Variants in IPCEF1 observed in about 807,000 individuals in gnomAD.
IPCEF1 encodes interaction protein for cytohesin exchange factors 1.
A neutral mutation model predicts 50.9 loss-of-function variants in IPCEF1; 31 were observed. The ratio of observed to expected loss-of-function variants is 0.61; its 90% confidence interval spans 0.46 to 0.82. The LOEUF is 0.82. Ranked by LOEUF, IPCEF1 falls within the 40% of genes least tolerant of loss-of-function variation. IPCEF1 has a pLI of 0.00. For missense variants in IPCEF1, 458 were observed against 514.0 expected (o/e 0.89, Z 1.05); for synonymous variants, 181 against 192.0 (o/e 0.94, Z 0.47).
intron 2 of IPCEF1, among the ~76,000 whole-genome samples, chr6:154,266,903 T>A (rs1465152760): frequency 6.6e-6 from 1 of 152,050 alleles, no homozygotes; most frequent in Non-Finnish European, 1.5e-5. Context: ...CCACTGAAAC[T>A]CTCCCCAAAG....
chr6:154,296,692 G>A (rs1043385371), intron 1 of IPCEF1, among the ~76,000 whole-genome samples: 1 of 152,072 alleles, frequency 6.6e-6, no homozygotes, highest in African/African-American at 2.4e-5. Context: ...AGCCAGGCAT[G>A]GTGGCGGGCG....
chr6:154,220,937 A>G (rs769467039), intron 7 of IPCEF1, among the ~76,000 whole-genome samples: 3 of 152,246 alleles, frequency 2.0e-5, no homozygotes, highest in Non-Finnish European at 4.4e-5. Flanking sequence ...AAGCTGCAAG[A>G]TCAGTTACAT....
At chr6:154,209,763 A>G (rs1417449821) in intron 9 of IPCEF1, among the ~76,000 whole-genome samples, 2 of 152,196 alleles carry the variant, frequency 1.3e-5, no homozygotes, top group Non-Finnish European at 2.9e-5. Context: ...AGAAGAAAAC[A>G]AAAACAAAAT....
intron 1 of IPCEF1, among the ~76,000 whole-genome samples, chr6:154,355,023 CA>C (rs1191235310): frequency 1.3e-5 from 2 of 148,514 alleles, no homozygotes; most frequent in Non-Finnish European, 3.0e-5. Flanking sequence ...CACACACACA[CA>C]CACACACACA....
rs375259757 is a variant in IPCEF1 at position 154,156,180 on chromosome 6, A to C, written c.*3648T>G. The C allele has an allele frequency of 1.3e-5, 2 of 152,304 alleles. No individual in the cohort carries two copies. The highest frequency in any genetic ancestry group is 4.8e-5 in the African/African-American group (2 of 41,466). 9.4% of individuals were successfully genotyped at this position (152,304 alleles called of 1,614,324 possible). ...CACAGCATGATTAGGTGAAACCCCA[A>C]TCCATAGACAGCCCGCCAGCAGGTT... On this transcript the variant is annotated 3_prime_UTR_variant, in exon 12 of 12. Coordinates refer to ENST00000367220, the MANE Select transcript of IPCEF1 (RefSeq NM_001130700.2).
intron 1 of IPCEF1, among the ~76,000 whole-genome samples, chr6:154,353,159 T>G (rs1250796515): frequency 2.0e-5 from 3 of 152,202 alleles, no homozygotes; most frequent in Non-Finnish European, 4.4e-5. Flanking sequence ...AACATAAATT[T>G]TAAGTGTCAT....
Position 154,314,905 on chromosome 6 carries a change from G to C in IPCEF1, c.-61-25149C>G, listed in dbSNP as rs191519532. On this transcript the variant is annotated intron_variant, in intron 1 of 11. Transcript: ENST00000367220. ...ATTACTTTTTTTTTTTTTTTTTTGA[G>C]ACAGTGTCTCTGTCACCCAGGCTGG... Among the ~76,000 whole-genome samples, 324 of 138,474 alleles carry C rather than the reference G, an allele frequency of 2.3e-3. 1 individual carries two copies. The highest frequency in any genetic ancestry group is 3.7e-3 in the Non-Finnish European group (241 of 65,358). The allele number at this position is 138,474 out of a possible 152,430, so 90.8% of individuals were successfully genotyped here.
At chr6:154,238,057 C>T (rs1009330339) in intron 5 of IPCEF1, among the ~76,000 whole-genome samples, 1 of 152,134 alleles carries the variant, frequency 6.6e-6, no homozygotes, top group African/African-American at 2.4e-5. Flanking sequence ...ATATATAATT[C>T]TTACAGCCAT....
intron 3 of IPCEF1, among the ~76,000 whole-genome samples, chr6:154,261,668 GT>G (rs1274657567): frequency 6.6e-6 from 1 of 152,184 alleles, no homozygotes; most frequent in African/African-American, 2.4e-5. Flanking sequence ...GGACAATGCT[GT>G]TTGGTATACA....
At chr6:154,343,688 G>A (rs1281904317) in intron 1 of IPCEF1, among the ~76,000 whole-genome samples, 2 of 152,178 alleles carry the variant, frequency 1.3e-5, no homozygotes, top group African/African-American at 2.4e-5. Context: ...GACTGCTGTA[G>A]GTGTTGTTGA....
At chr6:154,177,971 G>A (rs1394761851) in intron 10 of IPCEF1, among the ~76,000 whole-genome samples, 1 of 152,180 alleles carries the variant, frequency 6.6e-6, no homozygotes, top group Non-Finnish European at 1.5e-5. Context: ...AAAAAAGGAT[G>A]AGTTCATGTC....
At chr6:154,210,150 A>G (rs1777849209) in intron 9 of IPCEF1, among the ~76,000 whole-genome samples, 1 of 152,174 alleles carries the variant, frequency 6.6e-6, no homozygotes. Context: ...CACCAGGGAG[A>G]GTTCTAGAAG....
At chr6:154,201,443 T>C (rs978303073) in intron 9 of IPCEF1, among the ~76,000 whole-genome samples, 4 of 152,238 alleles carry the variant, frequency 2.6e-5, no homozygotes, top group African/African-American at 9.6e-5. Flanking sequence ...TGTTCCTCCA[T>C]TTTTAACTTT....
At chr6:154,206,793 A>G (rs1297218283) in intron 9 of IPCEF1, among the ~76,000 whole-genome samples, 2 of 152,218 alleles carry the variant, frequency 1.3e-5, no homozygotes, top group South Asian at 2.1e-4. Flanking sequence ...CAAGTGGAGA[A>G]ACTTTATACC....
At chr6:154,216,339 G>T (rs790256) in intron 7 of IPCEF1, among the ~76,000 whole-genome samples, 89,559 of 151,868 alleles carry the variant, frequency 0.59, 26,887 homozygotes, top group South Asian at 0.76. Flanking sequence ...ACCTGGAAAA[G>T]ATATGAACAA....
chr6:154,209,147 A>G (rs1675257610), intron 9 of IPCEF1, among the ~76,000 whole-genome samples: 1 of 152,154 alleles, frequency 6.6e-6, no homozygotes, highest in Admixed American at 6.5e-5. Flanking sequence ...TGAATTAAAT[A>G]TTTTCAAGAT....
intron 9 of IPCEF1, 145 bp downstream of exon 9, chr6:154,212,625 C>T (rs913002767): frequency 3.3e-6 from 2 of 615,036 alleles, no homozygotes; most frequent in Non-Finnish European, 5.8e-6. Flanking sequence ...AATCAGCACC[C>T]TGAAAATTGC....
intron 11 of IPCEF1, among the ~76,000 whole-genome samples, chr6:154,162,589 T>G (rs140679155): frequency 6.6e-6 from 1 of 152,366 alleles, no homozygotes; most frequent in East Asian, 1.9e-4. Flanking sequence ...TCCTGATTTT[T>G]CTTGTACCAC....
chr6:154,207,250 G>A (rs1202643239), intron 9 of IPCEF1, among the ~76,000 whole-genome samples: 1 of 152,206 alleles, frequency 6.6e-6, no homozygotes, highest in Non-Finnish European at 1.5e-5. Context: ...GTTAAAGCCA[G>A]AGGCAAAAAT....
Sources: allele counts gnomAD v4.1 joint callset (sites outside exome capture counted in the v4.1 genomes callset), GRCh38; gene constraint gnomAD v4.1.1; transcripts MANE v1.5; gene names NCBI Gene and HGNC (gene_info 2026-07-23, HGNC 2026-07-21).